Variants in GALNT10 observed in about 807,000 individuals in gnomAD.
GALNT10 encodes GalNAc transferase 10.
GALNT10 carries 41 observed loss-of-function variants against 75.0 expected under a neutral mutation model. That is an observed-to-expected ratio of 0.55 (90% CI 0.43 to 0.71). The LOEUF (loss-of-function observed/expected upper bound fraction) is 0.71. Ranked by LOEUF, GALNT10 falls within the 30% of genes least tolerant of loss-of-function variation. The probability of loss-of-function intolerance (pLI) is 0.00; values close to 1 mark genes in which losing one functional copy is unlikely to be tolerated. For missense variants in GALNT10, 727 were observed against 818.5 expected (o/e 0.89, Z 1.36); for synonymous variants, 302 against 313.0 (o/e 0.96, Z 0.37).
At chr5:154,345,748 A>G (rs1355685896) in intron 4 of GALNT10, among the ~76,000 whole-genome samples, 1 of 134,698 alleles carries the variant, frequency 7.4e-6, no homozygotes, top group Non-Finnish European at 1.5e-5. Flanking sequence ...CAATCCTCCC[A>G]CCTCAGCCTC....
At chr5:154,204,502 A>G (rs1489937382) in intron 1 of GALNT10, among the ~76,000 whole-genome samples, 1 of 152,190 alleles carries the variant, frequency 6.6e-6, no homozygotes, top group East Asian at 1.9e-4. Context: ...GCACTGAAAC[A>G]CAGCACAGAC....
At chr5:154,309,739 A>G (rs759731603) in intron 3 of GALNT10, among the ~76,000 whole-genome samples, 10 of 152,324 alleles carry the variant, frequency 6.6e-5, no homozygotes, top group Middle Eastern at 3.4e-3. Flanking sequence ...CTTTGGGAAG[A>G]GCAATTTTGG....
intron 1 of GALNT10, among the ~76,000 whole-genome samples, chr5:154,208,471 T>C (rs1775143695): frequency 6.6e-6 from 1 of 152,078 alleles, no homozygotes; most frequent in African/African-American, 2.4e-5. Context: ...ATTTCCTTAA[T>C]CTTTTATTTT....
At chr5:154,230,043 A>G (rs1753124609) in intron 1 of GALNT10, among the ~76,000 whole-genome samples, 1 of 124,760 alleles carries the variant, frequency 8.0e-6, no homozygotes, top group Non-Finnish European at 1.8e-5. Flanking sequence ...GTCCAGTGGG[A>G]AAAAGGCAGT....
chr5:154,371,793 T>G (rs183139783), intron 4 of GALNT10, among the ~76,000 whole-genome samples: 1 of 152,204 alleles, frequency 6.6e-6, no homozygotes, highest in Admixed American at 6.5e-5. Context: ...GATAATCAAG[T>G]ATTTCCTGAG....
At position 154,417,065 on chromosome 5, in the gene GALNT10, G is replaced by A. The variant is rs1756529202; in HGVS notation, c.*93G>A. 5.1e-6 allele frequency: 6 copies of A among 1,174,936 alleles called. No individual in the cohort carries two copies. The highest frequency in any genetic ancestry group is 1.8e-5 in the Admixed American group (1 of 54,240). 72.8% of individuals were successfully genotyped at this position (1,174,936 alleles called of 1,614,324 possible). Reference sequence around the variant, plus strand: ...GGCAGGGCCCCTGTGGGCACTAGGTGTAAAAGGTGCTGGCCAAATGGTTCA... The same window carrying A: ...GGCAGGGCCCCTGTGGGCACTAGGTATAAAAGGTGCTGGCCAAATGGTTCA... On this transcript the variant is annotated 3_prime_UTR_variant, in exon 12 of 12. Transcript: ENST00000297107.
chr5:154,277,598 A>G lies in GALNT10; in HGVS notation c.160-17218A>G, dbSNP rs1205429160. Among the ~76,000 whole-genome samples, 3 of 152,158 alleles carry G rather than the reference A, an allele frequency of 2.0e-5. No homozygotes were observed. The East Asian group carries it at 5.8e-4, about 29-fold the overall frequency. ...TCTAGAATGAAAGAAATTCAAATGCATTGTTTCTCAAGCTAAGCCAAGGCT... is the reference window on the plus strand; with the variant it reads ...TCTAGAATGAAAGAAATTCAAATGCGTTGTTTCTCAAGCTAAGCCAAGGCT... On this transcript the variant is annotated intron_variant, in intron 1 of 11. Transcript: ENST00000297107.
chr5:154,236,246 A>G (rs1049512479), intron 1 of GALNT10, among the ~76,000 whole-genome samples: 3 of 152,248 alleles, frequency 2.0e-5, no homozygotes, highest in African/African-American at 7.2e-5. Context: ...CAAAATAAGG[A>G]CAACAGTGGT....
At chr5:154,386,086 TA>T (rs1755801913) in intron 6 of GALNT10, among the ~76,000 whole-genome samples, 1 of 152,140 alleles carries the variant, frequency 6.6e-6, no homozygotes, top group Non-Finnish European at 1.5e-5. Context: ...GTTAATTGTG[TA>T]AAGGAACTTC....
In GALNT10 at chr5:154,347,160, T is replaced by G; in HGVS notation, c.568+17422T>G. The stretch of plus-strand genomic sequence containing the variant: ...TATGATCTCACCGAGTCCTGTGAGG[T>G]TGGCATTGTTGTCTGGCATTGTCTG... On this transcript the variant is annotated intron_variant, in intron 4 of 11. Transcript: ENST00000297107. The G allele has an allele frequency of 1.4e-5, 7 of 510,952 alleles. No homozygotes were observed. The Middle Eastern group carries it at 2.2e-3, about 160-fold the overall frequency. The allele number at this position is 510,952 out of a possible 1,614,324, so 31.7% of individuals were successfully genotyped here. A position where few individuals can be genotyped will look rare whatever the true frequency, so the allele number is the denominator to read the frequency against.
intron 1 of GALNT10, among the ~76,000 whole-genome samples, chr5:154,212,339 C>T (rs937035960): frequency 6.6e-6 from 1 of 152,184 alleles, no homozygotes; most frequent in Non-Finnish European, 1.5e-5. Flanking sequence ...ATAATGATAG[C>T]ATTTGAACAT....
chr5:154,360,215 T>C (rs1207063016), intron 4 of GALNT10, among the ~76,000 whole-genome samples: 1 of 152,110 alleles, frequency 6.6e-6, no homozygotes, highest in Admixed American at 6.5e-5. Flanking sequence ...TTTGGGAGGC[T>C]GAGGCAGGCG....
In GALNT10 at chr5:154,329,559, T is replaced by A; in HGVS notation, c.402-13T>A. The stretch of plus-strand genomic sequence containing the variant: ...TGACCCTGTCCTCTGCCTCCCCTTA[T>A]GTTTCCCTCTAGCTGCAACAGCAAG... On this transcript the variant is annotated splice_polypyrimidine_tract_variant and intron_variant, in intron 3 of 11. Coordinates refer to ENST00000297107, the MANE Select transcript of GALNT10 (RefSeq NM_198321.4). 6.2e-7 allele frequency: 1 copy of A among 1,611,820 alleles called. No individual in the cohort carries two copies. The highest frequency in any genetic ancestry group is 8.5e-7 in the Non-Finnish European group (1 of 1,177,972).
intron 1 of GALNT10, among the ~76,000 whole-genome samples, chr5:154,196,824 T>G (rs1309055256): frequency 4.6e-5 from 7 of 151,764 alleles, no homozygotes; most frequent in Non-Finnish European, 2.9e-5. Context: ...AGGAGTGGAG[T>G]CAGGTTACCC....
At chr5:154,219,151 A>T (rs1487764185) in intron 1 of GALNT10, among the ~76,000 whole-genome samples, 1 of 152,128 alleles carries the variant, frequency 6.6e-6, no homozygotes, top group Non-Finnish European at 1.5e-5. Context: ...TTGGCTCCCA[A>T]TGTAGCTCAT....
At chr5:154,359,768 T>C (rs1755354287) in intron 4 of GALNT10, among the ~76,000 whole-genome samples, 1 of 150,824 alleles carries the variant, frequency 6.6e-6, no homozygotes, top group Admixed American at 6.7e-5. Context: ...ACAGTAGTTA[T>C]TTTTCTAAGT....
At chr5:154,295,534 A>G (rs1255135618) in intron 2 of GALNT10, among the ~76,000 whole-genome samples, 1 of 152,222 alleles carries the variant, frequency 6.6e-6, no homozygotes, top group Non-Finnish European at 1.5e-5. Flanking sequence ...GAGTCAACTT[A>G]GAGGGCTTCA....
At position 154,420,463 on chromosome 5, in the gene GALNT10, A is replaced by G. The variant is rs1223743763; in HGVS notation, c.*3491A>G. The G allele has an allele frequency of 6.6e-6, 1 of 152,196 alleles. No homozygotes were observed. Among genetic ancestry groups the G allele is most frequent in the Non-Finnish European group, 1.5e-5 (1 of 68,040 alleles). 9.4% of individuals were successfully genotyped at this position (152,196 alleles called of 1,614,324 possible). On this transcript the variant is annotated 3_prime_UTR_variant, in exon 12 of 12. Transcript: ENST00000297107. The stretch of plus-strand genomic sequence containing the variant: ...GAATCAGAGTCTCTGCTTCAGCGAT[A>G]TCTAGTTTGTACAGTTGGGTGATCT...
intron 1 of GALNT10, among the ~76,000 whole-genome samples, chr5:154,196,236 T>A (rs976064898): frequency 6.6e-6 from 1 of 152,158 alleles, no homozygotes. Flanking sequence ...TTTTATAGTT[T>A]TAAAAGCAAC....
Sources: gnomAD v4.1 joint callset for allele counts (sites outside exome capture counted in the v4.1 genomes callset) on GRCh38, gnomAD v4.1.1 for gene constraint, MANE v1.5 for transcripts, NCBI Gene and HGNC (gene_info 2026-07-23, HGNC 2026-07-21) for gene names.